SLC4A4: variants seen among roughly 807,000 people sequenced by gnomAD.
SLC4A4 encodes electrogenic sodium bicarbonate cotransporter 1.
In SLC4A4, 27 loss-of-function variants were observed where a neutral mutation model predicts 111.5. The observed-to-expected ratio is 0.24, with a 90% CI of 0.18 to 0.33. The LOEUF (loss-of-function observed/expected upper bound fraction) is 0.33, where lower values mean the gene tolerates loss of function less well. Ranked by LOEUF, SLC4A4 falls within the 10% of genes least tolerant of loss-of-function variation. The probability of loss-of-function intolerance (pLI) is 1.00; values close to 1 mark genes in which losing one functional copy is unlikely to be tolerated. For missense variants in SLC4A4, 909 were observed against 1,315.5 expected, an observed-to-expected ratio of 0.69 and a Z score of 4.78; for synonymous variants, 443 against 463.4, an observed-to-expected ratio of 0.96 and a Z score of 0.57.
rs1313846413 is a variant in SLC4A4 at position 71,280,989 on chromosome 4, A to G, written c.253+25590A>G. On this transcript the variant is annotated intron_variant, in intron 3 of 25. Coordinates refer to ENST00000264485, the MANE Select transcript of SLC4A4 (RefSeq NM_001098484.3). ...ATAATGTCTGCTACAGGAAGTGGTC[A>G]CTGCAAAGAAATAAAAAGGAGAGAA... 2.6e-5 allele frequency among the ~76,000 whole-genome samples: 4 copies of G among 152,208 alleles called. No individual in the cohort carries two copies. In the East Asian group the frequency reaches 7.7e-4, roughly 29 times the overall value.
rs191379122 is a variant in SLC4A4 at position 71,270,264 on chromosome 4, A to G, written c.253+14865A>G. On this transcript the variant is annotated intron_variant, in intron 3 of 25. Transcript: ENST00000264485. The stretch of plus-strand genomic sequence containing the variant: ...CACCATGCCTGGCTAATTTTTTTGT[A>G]TTTTTAGTAGGGGCGGGGTTTCACC... Among the ~76,000 whole-genome samples, 692 of 152,020 alleles carry G rather than the reference A, an allele frequency of 4.6e-3. 4 individuals carry two copies. The highest frequency in any genetic ancestry group is 0.016 in the African/African-American group (647 of 41,492).
intron 2 of SLC4A4, among the ~76,000 whole-genome samples, chr4:71,105,923 G>A (rs1420712789): frequency 5.6e-4 from 82 of 146,668 alleles, no homozygotes; most frequent in African/African-American, 2.0e-3. Flanking sequence ...TAGACAAATG[G>A]GATCTAATTA....
chr4:71,438,947 T>C (rs1442455903), intron 7 of SLC4A4, among the ~76,000 whole-genome samples: 1 of 152,070 alleles, frequency 6.6e-6, no homozygotes, highest in Non-Finnish European at 1.5e-5. Context: ...TCTCAACCAG[T>C]TGTTTAATAT....
chr4:71,490,421 A>G (rs1262021687), intron 15 of SLC4A4, among the ~76,000 whole-genome samples: 1 of 151,810 alleles, frequency 6.6e-6, no homozygotes, highest in African/African-American at 2.4e-5. Flanking sequence ...TACTATCCAA[A>G]CAAGATACAG....
At chr4:71,261,643 A>C (rs754928290) in intron 3 of SLC4A4, among the ~76,000 whole-genome samples, 20 of 152,322 alleles carry the variant, frequency 1.3e-4, no homozygotes, top group Non-Finnish European at 2.5e-4. Flanking sequence ...TAACTGCATA[A>C]GTCTCTTAGA....
intron 6 of SLC4A4, among the ~76,000 whole-genome samples, chr4:71,370,485 T>C (rs554248437): frequency 1.3e-5 from 2 of 152,308 alleles, no homozygotes; most frequent in African/African-American, 4.8e-5. Context: ...GGCCTTGGAG[T>C]ATAAAGTCAG....
intron 2 of SLC4A4, among the ~76,000 whole-genome samples, chr4:71,247,427 C>T (rs1720756387): frequency 6.6e-6 from 1 of 151,234 alleles, no homozygotes; most frequent in Non-Finnish European, 1.5e-5. Context: ...TTGCAGATTA[C>T]CTGTCTATAG....
At chr4:71,139,385 C>T (rs898067084) in intron 2 of SLC4A4, among the ~76,000 whole-genome samples, 2 of 152,162 alleles carry the variant, frequency 1.3e-5, no homozygotes, top group African/African-American at 4.8e-5. Context: ...CCTGCCTTGC[C>T]CCACTTCTGG....
intron 1 of SLC4A4, among the ~76,000 whole-genome samples, chr4:71,076,987 CA>C (rs1386511103): frequency 6.3e-5 from 9 of 142,506 alleles, no homozygotes; most frequent in East Asian, 2.0e-4. Context: ...GACCCTGTCT[CA>C]AAAAAAAATA....
intron 13 of SLC4A4, among the ~76,000 whole-genome samples, chr4:71,469,500 A>C (rs979599110): frequency 2.6e-5 from 4 of 151,972 alleles, no homozygotes; most frequent in African/African-American, 9.7e-5. Flanking sequence ...GACTCAAAAA[A>C]TCTAGGAACA....
intron 1 of SLC4A4, among the ~76,000 whole-genome samples, chr4:71,205,001 A>G (rs917169595): frequency 6.6e-6 from 1 of 152,220 alleles, no homozygotes; most frequent in Non-Finnish European, 1.5e-5. Flanking sequence ...GACTGAGGTC[A>G]TGGGTGATGG....
intron 3 of SLC4A4, among the ~76,000 whole-genome samples, chr4:71,311,178 A>G (rs1251335618): frequency 1.3e-5 from 2 of 152,190 alleles, no homozygotes; most frequent in Non-Finnish European, 2.9e-5. Context: ...ATACAGGAGC[A>G]CCCAGATTTA....
At chr4:71,160,366 G>A (rs2602110) in intron 2 of SLC4A4, among the ~76,000 whole-genome samples, 9,364 of 151,710 alleles carry the variant, frequency 0.062, 928 homozygotes, top group African/African-American at 0.22. Flanking sequence ...AGAACACAAG[G>A]ACAGCCATTA....
intron 7 of SLC4A4, among the ~76,000 whole-genome samples, chr4:71,422,899 CTG>C (rs1722695372): frequency 6.6e-6 from 1 of 152,162 alleles, no homozygotes; most frequent in South Asian, 2.1e-4. Context: ...TGGGCAGAAA[CTG>C]GAAGCATTCC....
At chr4:71,531,421 T>C (rs566331275) in intron 16 of SLC4A4, among the ~76,000 whole-genome samples, 2 of 152,196 alleles carry the variant, frequency 1.3e-5, no homozygotes, top group East Asian at 3.9e-4. Flanking sequence ...TTGAGAAATA[T>C]TTTATTTGAC....
intron 2 of SLC4A4, among the ~76,000 whole-genome samples, chr4:71,121,458 A>G (rs1743425772): frequency 6.6e-6 from 1 of 152,164 alleles, no homozygotes. Context: ...GTGTTGGAGA[A>G]CTTTTATTTC....
At chr4:71,153,131 C>G (rs1744363530) in intron 2 of SLC4A4, among the ~76,000 whole-genome samples, 1 of 151,200 alleles carries the variant, frequency 6.6e-6, no homozygotes, top group African/African-American at 2.4e-5. Context: ...GGCTGAGGAG[C>G]AAGGAGAGCC....
At chr4:71,466,039 G>A (rs533959874) in intron 12 of SLC4A4, among the ~76,000 whole-genome samples, 3 of 152,178 alleles carry the variant, frequency 2.0e-5, no homozygotes, top group Admixed American at 6.5e-5. Context: ...TATGTGCAAG[G>A]CGAAATCAGG....
intron 2 of SLC4A4, among the ~76,000 whole-genome samples, chr4:71,147,223 T>C (rs1744200111): frequency 6.6e-6 from 1 of 152,186 alleles, no homozygotes; most frequent in South Asian, 2.1e-4. Flanking sequence ...ATGAATTTTG[T>C]TGTTTAACAA....
Sources: gnomAD v4.1 joint callset for allele counts (sites outside exome capture counted in the v4.1 genomes callset) on GRCh38, gnomAD v4.1.1 for gene constraint, MANE v1.5 for transcripts, NCBI Gene and HGNC (gene_info 2026-07-23, HGNC 2026-07-21) for gene names.